Variants in MEGF9 observed in about 807,000 individuals in gnomAD.
The protein encoded by MEGF9 is multiple epidermal growth factor-like domains protein 9.
A neutral mutation model predicts 46.8 loss-of-function variants in MEGF9; 6 were observed. The ratio of observed to expected loss-of-function variants is 0.13; its 90% CI spans 0.07 to 0.25. The LOEUF is 0.25. Ranked by LOEUF, MEGF9 falls within the 10% of genes least tolerant of loss-of-function variation. MEGF9 has a pLI of 1.00. For synonymous variants in MEGF9, 302 were observed against 330.7 expected, an observed-to-expected ratio of 0.91 and a Z score of 0.94; for missense variants, 683 against 792.4, an observed-to-expected ratio of 0.86 and a Z score of 1.66.
chr9:120,662,670 G>T (rs1038556742), intron 1 of MEGF9, among the ~76,000 whole-genome samples: 4 of 152,204 alleles, frequency 2.6e-5, no homozygotes, highest in African/African-American at 7.2e-5. Flanking sequence ...GTGCTTTGGA[G>T]TATTGCAATA....
At chr9:120,632,222 A>C (rs993696042) in intron 2 of MEGF9, among the ~76,000 whole-genome samples, 6 of 152,134 alleles carry the variant, frequency 3.9e-5, no homozygotes, top group Non-Finnish European at 2.9e-5. Flanking sequence ...TTCAACCCAT[A>C]AACATAGAAT....
At chr9:120,655,222 C>T (rs921994244) in intron 2 of MEGF9, among the ~76,000 whole-genome samples, 8 of 152,196 alleles carry the variant, frequency 5.3e-5, no homozygotes, top group Admixed American at 2.0e-4. Flanking sequence ...ATCAGTCCTG[C>T]AAACTCCATT....
At chr9:120,628,486 T>TG (rs2043536772) in intron 2 of MEGF9, among the ~76,000 whole-genome samples, 1 of 144,666 alleles carries the variant, frequency 6.9e-6, no homozygotes, top group Non-Finnish European at 1.5e-5. Context: ...TTTTTTTTTT[T>TG]TTTTTTTTTC....
At position 120,626,324 on chromosome 9, in the gene MEGF9, A is replaced by G. The variant is rs560881454; in HGVS notation, c.804-3569T>C. On this transcript the variant is annotated intron_variant, in intron 2 of 5. Coordinates refer to ENST00000373930, the MANE Select transcript of MEGF9 (RefSeq NM_001080497.3). ...TACGCTGCATTAAGTGTAACTATGC[A>G]TATACTACACATTTCTTAAATTATC... Among the ~76,000 whole-genome samples, 4 of 152,376 alleles carry G rather than the reference A, an allele frequency of 2.6e-5. No homozygotes were observed. The South Asian group carries it at 8.3e-4, about 32-fold the overall frequency.
At chr9:120,687,992 T>C (rs2043831056) in intron 1 of MEGF9, among the ~76,000 whole-genome samples, 1 of 152,116 alleles carries the variant, frequency 6.6e-6, no homozygotes, top group East Asian at 1.9e-4. Flanking sequence ...TTCTCCCCAT[T>C]GGTTAGCATT....
At chr9:120,679,435 G>A (rs2043788316) in intron 1 of MEGF9, among the ~76,000 whole-genome samples, 1 of 147,674 alleles carries the variant, frequency 6.8e-6, no homozygotes. Flanking sequence ...GAGAACACTT[G>A]GACACAGGAT....
chr9:120,669,595 A>AAAAAATT (rs1209023822), intron 1 of MEGF9, among the ~76,000 whole-genome samples: 2 of 152,128 alleles, frequency 1.3e-5, no homozygotes, highest in African/African-American at 4.8e-5. Flanking sequence ...AAGCAATATA[A>AAAAAATT]GCAGATAAGA....
intron 2 of MEGF9, among the ~76,000 whole-genome samples, chr9:120,624,872 C>CA (rs35120272): frequency 1.8e-3 from 186 of 103,952 alleles, no homozygotes; most frequent in South Asian, 0.014. Context: ...GACTCCGTCT[C>CA]AAAAAAAAAA....
At chr9:120,618,501 A>C (rs2043482134) in intron 3 of MEGF9, among the ~76,000 whole-genome samples, 2 of 152,234 alleles carry the variant, frequency 1.3e-5, no homozygotes, top group South Asian at 4.1e-4. Context: ...TTTTAAAAAT[A>C]ATATCCCCCC....
chr9:120,679,530 G>A (rs143665920), intron 1 of MEGF9, among the ~76,000 whole-genome samples: 68 of 151,968 alleles, frequency 4.5e-4, no homozygotes, highest in African/African-American at 1.4e-3. Flanking sequence ...TGTAAATGAC[G>A]AGTTAATGGG....
chr9:120,712,963 T>C (rs1402142996), intron 1 of MEGF9, among the ~76,000 whole-genome samples: 1 of 152,166 alleles, frequency 6.6e-6, no homozygotes, highest in Non-Finnish European at 1.5e-5. Context: ...CAAACAGAAA[T>C]TGGCATATAT....
intron 1 of MEGF9, among the ~76,000 whole-genome samples, chr9:120,703,256 C>A (rs2043913238): frequency 6.6e-6 from 1 of 152,252 alleles, no homozygotes; most frequent in Non-Finnish European, 1.5e-5. Flanking sequence ...TCTAGTATAC[C>A]TACAAACTGT....
At chr9:120,633,475 G>T (rs2043559242) in intron 2 of MEGF9, among the ~76,000 whole-genome samples, 1 of 151,340 alleles carries the variant, frequency 6.6e-6, no homozygotes, top group South Asian at 2.1e-4. Flanking sequence ...ATTTCTTTAG[G>T]TTTTTTCTCT....
chr9:120,696,081 T>C (rs1002541746), intron 1 of MEGF9, among the ~76,000 whole-genome samples: 9 of 152,190 alleles, frequency 5.9e-5, no homozygotes, highest in Non-Finnish European at 7.3e-5. Context: ...AGGTTAGCAG[T>C]GTGAGTGGTG....
At chr9:120,688,529 G>A (rs2043834506) in intron 1 of MEGF9, among the ~76,000 whole-genome samples, 1 of 152,094 alleles carries the variant, frequency 6.6e-6, no homozygotes, top group African/African-American at 2.4e-5. Context: ...AAACAAAACA[G>A]GCCAAAATTA....
At chr9:120,655,392 G>T (rs1587985985) in intron 2 of MEGF9, among the ~76,000 whole-genome samples, 4 of 152,256 alleles carry the variant, frequency 2.6e-5, no homozygotes, top group Admixed American at 2.6e-4. Context: ...GAAGCAACAG[G>T]CCATACTATA....
intron 2 of MEGF9, among the ~76,000 whole-genome samples, chr9:120,635,039 G>A (rs2043568040): frequency 1.3e-5 from 2 of 152,138 alleles, no homozygotes; most frequent in Admixed American, 1.3e-4. Flanking sequence ...GCTTATCTGG[G>A]AAAGACTTTA....
chr9:120,697,889 C>G (rs2043885576), intron 1 of MEGF9, among the ~76,000 whole-genome samples: 2 of 152,044 alleles, frequency 1.3e-5, no homozygotes. Context: ...AAAACAGAAC[C>G]CAAAATGTGC....
At chr9:120,667,576 A>G (rs556866657) in intron 1 of MEGF9, among the ~76,000 whole-genome samples, 1 of 152,336 alleles carries the variant, frequency 6.6e-6, no homozygotes, top group East Asian at 1.9e-4. Flanking sequence ...AATCTATCCA[A>G]CAAAGAACTT....
Sources: gnomAD v4.1 joint callset for allele counts (sites outside exome capture counted in the v4.1 genomes callset) on GRCh38, gnomAD v4.1.1 for gene constraint, MANE v1.5 for transcripts, NCBI Gene and HGNC (gene_info 2026-07-23, HGNC 2026-07-21) for gene names.